CNTNAP5: variants seen among roughly 807,000 people sequenced by gnomAD.
The protein encoded by CNTNAP5 is contactin-associated protein-like 5.
A neutral mutation model predicts 150.2 loss-of-function variants in CNTNAP5; 72 were observed. The ratio of observed to expected loss-of-function variants is 0.48; its 90% confidence interval spans 0.40 to 0.58. The LOEUF (loss-of-function observed/expected upper bound fraction) is 0.58. Among genes scored for constraint, CNTNAP5 ranks in the 20% least tolerant of loss-of-function variants. The pLI, the probability that CNTNAP5 is intolerant of heterozygous loss-of-function variation, is 0.00. For missense variants in CNTNAP5, 1,636 were observed against 1,626.2 expected (o/e 1.01, Z -0.10); for synonymous variants, 672 against 619.8 (o/e 1.08, Z -1.25).
chr2:124,494,386 C>A (rs766593710), intron 7 of CNTNAP5, among the ~76,000 whole-genome samples: 9 of 152,026 alleles, frequency 5.9e-5, no homozygotes, highest in African/African-American at 1.9e-4. Context: ...CATCCCAGCT[C>A]CTGCAGATAG....
chr2:124,889,139 C>A (rs1383060337), intron 21 of CNTNAP5, among the ~76,000 whole-genome samples: 1 of 145,640 alleles, frequency 6.9e-6, no homozygotes, highest in East Asian at 2.1e-4. Context: ...CACCCAGGCA[C>A]CCAGGCTGGA....
At chr2:124,140,965 C>T (rs1684107222) in intron 1 of CNTNAP5, among the ~76,000 whole-genome samples, 1 of 66,486 alleles carries the variant, frequency 1.5e-5, no homozygotes, top group South Asian at 7.5e-4. Context: ...GAGCTGAAAC[C>T]CAAGGCTCGA....
chr2:124,731,827 GGTGTATATGAGTGTAAGT>G (rs1377952448), intron 13 of CNTNAP5, among the ~76,000 whole-genome samples: 2 of 150,778 alleles, frequency 1.3e-5, no homozygotes, highest in Non-Finnish European at 3.0e-5. Flanking sequence ...CATGTATGAG[GGTGTATATGAGTGTAAGT>G]GTGTGTATGA....
chr2:124,387,467 C>T (rs999064541), intron 3 of CNTNAP5, among the ~76,000 whole-genome samples: 8 of 152,070 alleles, frequency 5.3e-5, no homozygotes, highest in Admixed American at 1.3e-4. Flanking sequence ...AGAGAGTCAG[C>T]GAAGGGAGAT....
At chr2:124,474,942 T>C in intron 7 of CNTNAP5, 60 bp downstream of exon 7, 1 of 1,466,340 alleles carries the variant, frequency 6.8e-7, no homozygotes, top group Non-Finnish European at 9.3e-7. Flanking sequence ...AAGTCTTGCT[T>C]TCACCAGCCC....
intron 19 of CNTNAP5, among the ~76,000 whole-genome samples, chr2:124,839,788 T>G (rs773663232): frequency 1.8e-4 from 28 of 152,118 alleles, no homozygotes; most frequent in Non-Finnish European, 3.7e-4. Flanking sequence ...GAAGTTCCCA[T>G]CAACCCTTTT....
chr2:124,726,898 A>G (rs1406761179), intron 13 of CNTNAP5, among the ~76,000 whole-genome samples: 1 of 152,042 alleles, frequency 6.6e-6, no homozygotes, highest in Non-Finnish European at 1.5e-5. Flanking sequence ...GTCATGCTAA[A>G]AAAATGTTGT....
intron 23 of CNTNAP5, among the ~76,000 whole-genome samples, 173 bp from the exon 24 acceptor site, chr2:124,913,919 A>AC (rs1393042148): frequency 3.9e-5 from 6 of 152,054 alleles, no homozygotes; most frequent in Non-Finnish European, 7.4e-5. Flanking sequence ...GTAATTGAAG[A>AC]CAGGGCCTTT....
At chr2:124,492,204 G>T (rs1335788435) in intron 7 of CNTNAP5, among the ~76,000 whole-genome samples, 2 of 152,028 alleles carry the variant, frequency 1.3e-5, no homozygotes, top group African/African-American at 4.8e-5. Flanking sequence ...CAATGTCAAG[G>T]ATATATTCAT....
chr2:124,204,680 CA>C (rs900472621), intron 1 of CNTNAP5, among the ~76,000 whole-genome samples: 7 of 152,130 alleles, frequency 4.6e-5, no homozygotes, highest in African/African-American at 1.7e-4. Flanking sequence ...TGGTGGAAGG[CA>C]AGAGAGCATG....
intron 3 of CNTNAP5, among the ~76,000 whole-genome samples, chr2:124,315,124 G>A (rs2104662010): frequency 6.6e-6 from 1 of 152,072 alleles, no homozygotes; most frequent in African/African-American, 2.4e-5. Flanking sequence ...CACCATGCCT[G>A]GCTAATCTTT....
intron 14 of CNTNAP5, among the ~76,000 whole-genome samples, chr2:124,748,791 G>A (rs1370508370): frequency 6.6e-6 from 1 of 152,188 alleles, no homozygotes; most frequent in Non-Finnish European, 1.5e-5. Flanking sequence ...ACCAGGGCAG[G>A]TTACCCGAGT....
intron 8 of CNTNAP5, among the ~76,000 whole-genome samples, chr2:124,504,895 A>G (rs1487647491): frequency 6.6e-6 from 1 of 151,640 alleles, no homozygotes; most frequent in Non-Finnish European, 1.5e-5. Context: ...TTTAGTAGAG[A>G]TGGGGTTTCA....
intron 3 of CNTNAP5, among the ~76,000 whole-genome samples, chr2:124,328,654 G>T (rs1689276959): frequency 6.6e-6 from 1 of 152,194 alleles, no homozygotes. Flanking sequence ...AGTGAAGTAT[G>T]CGATGTCTCT....
intron 13 of CNTNAP5, among the ~76,000 whole-genome samples, chr2:124,677,413 G>A (rs1355702645): frequency 2.6e-5 from 4 of 152,202 alleles, no homozygotes; most frequent in African/African-American, 9.6e-5. Context: ...CAGCATGGAA[G>A]GGGACCTGAG....
intron 3 of CNTNAP5, among the ~76,000 whole-genome samples, chr2:124,372,771 T>C (rs143508874): frequency 2.0e-3 from 307 of 152,236 alleles, no homozygotes; most frequent in Non-Finnish European, 3.7e-3. Context: ...TTCCTGTTAT[T>C]ATAGACAGAA....
At position 124,473,946 on chromosome 2, in the gene CNTNAP5, T is replaced by G. The variant is rs191821213; in HGVS notation, c.919-793T>G. Among the ~76,000 whole-genome samples the G allele has an allele frequency of 9.2e-5, 14 of 152,174 alleles. No homozygotes were observed. The East Asian group carries it at 2.7e-3, about 29-fold the overall frequency. On this transcript the variant is annotated intron_variant, in intron 6 of 23. Coordinates refer to ENST00000682447, the MANE Select transcript of CNTNAP5 (RefSeq NM_001367498.1). ...TTTCCAAAGTGAACCACTATTAAAT[T>G]AGGTTGGTGCAAATGTAATTGCGGT... is the stretch of plus-strand genomic sequence containing the variant.
intron 13 of CNTNAP5, among the ~76,000 whole-genome samples, chr2:124,667,060 G>T (rs368865870): frequency 1.3e-5 from 2 of 152,204 alleles, no homozygotes; most frequent in Admixed American, 1.3e-4. Flanking sequence ...AGTTAGAGAT[G>T]GGTAGAAGTC....
At chr2:124,495,725 T>G (rs1012730030) in intron 7 of CNTNAP5, among the ~76,000 whole-genome samples, 1 of 152,230 alleles carries the variant, frequency 6.6e-6, no homozygotes, top group Non-Finnish European at 1.5e-5. Context: ...CTTGTTTAGT[T>G]TCACTTAAAT....
Sources: allele counts gnomAD v4.1 joint callset (sites outside exome capture counted in the v4.1 genomes callset), GRCh38; gene constraint gnomAD v4.1.1; transcripts MANE v1.5; gene names NCBI Gene and HGNC (gene_info 2026-07-23, HGNC 2026-07-21).